PEX11B: variants seen among roughly 807,000 people sequenced by gnomAD.
PEX11B encodes the protein peroxisomal biogenesis factor 11 beta.
PEX11B carries 18 observed loss-of-function variants against 28.2 expected under a neutral mutation model. The ratio of observed to expected loss-of-function variants is 0.64; its 90% CI spans 0.44 to 0.95. The LOEUF is 0.95. PEX11B is among the 40% of genes least tolerant of loss of function. PEX11B has a pLI of 0.00. For synonymous variants in PEX11B, 128 were observed against 128.7 expected (o/e 0.99, Z 0.04); for missense variants, 305 against 319.8 (o/e 0.95, Z 0.35).
intron 3 of PEX11B, 101 bp from the exon 4 acceptor site, chr1:145,912,667 A>T (rs1657861887): frequency 1.3e-6 from 1 of 786,088 alleles, no homozygotes; most frequent in Non-Finnish European, 1.9e-6. Flanking sequence ...AAGAGATTAC[A>T]CATTAGATCA....
At position 145,912,348 on chromosome 1, in the gene PEX11B, G is replaced by A. The variant is rs1280709863; in HGVS notation, c.593C>T (p.Ala198Val). ...TGGGGGATGACCTCTAAGGACTCGA[G>A]CCAGGAGCAGGACTTGCAGCCGAAG... is the stretch of plus-strand genomic sequence containing the variant. ...LKLRLQVLLL[A>V]RVLRGHPPLL... Residue 198 changes from alanine to valine, a missense_variant, in exon 4 of 4, where the codon GCT (alanine) becomes GTT (valine). Ala to Val is a moderately conservative substitution (Grantham distance 64). Coordinates refer to ENST00000369306, the MANE Select transcript of PEX11B (RefSeq NM_003846.3). The A allele has an allele frequency of 2.5e-6, 4 of 1,613,514 alleles. No individual in the cohort carries two copies. The highest frequency in any genetic ancestry group is 3.4e-6 in the Non-Finnish European group (4 of 1,179,790).
At chr1:145,917,409 C>T (rs868958697) in intron 2 of PEX11B, among the ~76,000 whole-genome samples, 2 of 151,976 alleles carry the variant, frequency 1.3e-5, no homozygotes, top group Non-Finnish European at 2.9e-5. Context: ...CTGACCTGGA[C>T]GAGAGACTCT....
chr1:145,913,062 TG>T (rs1553753410), intron 3 of PEX11B, among the ~76,000 whole-genome samples: 1 of 134,780 alleles, frequency 7.4e-6, no homozygotes, highest in Non-Finnish European at 1.5e-5. Flanking sequence ...CACTCCGGCC[TG>T]GGCAACAAAG....
intron 1 of PEX11B, chr1:145,918,089 A>C: frequency 1.0e-6 from 1 of 985,408 alleles, no homozygotes; most frequent in Non-Finnish European, 1.2e-6. Flanking sequence ...TGCAGGCCGC[A>C]GGGGTCCATC....
At position 145,916,663 on chromosome 1, in the gene PEX11B, C is replaced by T. The variant is rs587660510; in HGVS notation, c.374+154G>A. Among the ~76,000 whole-genome samples the T allele has an allele frequency of 5.6e-4, 85 of 152,226 alleles. 1 individual carries two copies. The South Asian group carries it at 0.013, about 23-fold the overall frequency. On this transcript the variant is annotated intron_variant, in intron 3 of 3. Coordinates refer to ENST00000369306, the MANE Select transcript of PEX11B (RefSeq NM_003846.3). The stretch of plus-strand genomic sequence containing the variant: ...TCCATCTCTCCCCATTTGATATTCT[C>T]CGATAGTTTAAGATCTAAGTGATTG...
At chr1:145,917,876 T>C (rs1029049834) in intron 1 of PEX11B, 60 bp from the exon 2 acceptor site, 56 of 1,470,430 alleles carry the variant, frequency 3.8e-5, no homozygotes, top group Non-Finnish European at 4.9e-5. Context: ...CTCAAAACTA[T>C]CTTCCAAAAG....
chr1:145,917,119 T>C, intron 2 of PEX11B, 101 bp from the exon 3 acceptor site: 1 of 787,542 alleles, frequency 1.3e-6, no homozygotes, highest in Non-Finnish European at 2.2e-6. Context: ...TGAGCAATAA[T>C]AATGACAATT....
At position 145,916,839 on chromosome 1, in the gene PEX11B, TCTC is replaced by T. The variant is rs782040121; in HGVS notation, c.349_351del (p.Glu117del). ...AACCTGAATGAACGCTGGGCCCACTTCTCCTGATCCACACGGGGAGCCAGTCCA... is the reference window on the plus strand; with the variant it reads ...AACCTGAATGAACGCTGGGCCCACTTCTGATCCACACGGGGAGCCAGTCCA... On this transcript the variant is annotated inframe_deletion, in exon 3 of 4. Coordinates refer to ENST00000369306, the MANE Select transcript of PEX11B (RefSeq NM_003846.3). 29 of 1,613,276 alleles carry T rather than the reference TCTC, an allele frequency of 1.8e-5. No homozygotes were observed. The highest frequency in any genetic ancestry group is 5.0e-5 in the Admixed American group (3 of 59,946).
Position 145,912,552 on chromosome 1 carries a change from G to A in PEX11B, c.389C>T (p.Ser130Phe). ...ATCACGGCTCAAATTCATGATGAGG[G>A]AAAACAAATAGTACCTGATACACAG... ...AQRSFRYYLF[S>F]LIMNLSRDAY... Residue 130 changes from serine to phenylalanine, a missense_variant, in exon 4 of 4, where the codon TCC (serine) becomes TTC (phenylalanine). Physicochemically the swap from Ser to Phe is radical, Grantham distance 155 (BLOSUM62 -2). Coordinates refer to ENST00000369306, the MANE Select transcript of PEX11B (RefSeq NM_003846.3). The A allele has an allele frequency of 6.7e-7, 1 of 1,494,104 alleles. No individual in the cohort carries two copies. 92.6% of individuals were successfully genotyped at this position (1,494,104 alleles called of 1,614,324 possible).
At position 145,917,782 on chromosome 1, in the gene PEX11B, C is replaced by T; in HGVS notation, c.91G>A (p.Ala31Thr). The change falls in exon 2 of 4, where the codon GCG becomes ACG. Residue 31 changes from alanine to threonine, a missense_variant. Coordinates refer to ENST00000369306, the MANE Select transcript of PEX11B (RefSeq NM_003846.3). ...GGACTGGCTCCATGCCTCTGCAGCGCATGGCCAAGAAGAGAGCAAGCATAC... is the reference window on the plus strand; with the variant it reads ...GGACTGGCTCCATGCCTCTGCAGCGTATGGCCAAGAAGAGAGCAAGCATAC... ...AQYACSLLGH[A>T]LQRHGASPEL... 1 of 1,613,856 alleles carries T rather than the reference C, an allele frequency of 6.2e-7. No individual in the cohort carries two copies. The highest frequency in any genetic ancestry group is 8.5e-7 in the Non-Finnish European group (1 of 1,179,716).
At position 145,917,772 on chromosome 1, in the gene PEX11B, C is replaced by G. The variant is rs1425933614; in HGVS notation, c.101G>C (p.Arg34Thr). The G allele has an allele frequency of 1.2e-6, 2 of 1,613,900 alleles. No individual in the cohort carries two copies. Among genetic ancestry groups the G allele is most frequent in the Non-Finnish European group, 1.7e-6 (2 of 1,179,740 alleles). ...ACSLLGHALQRHGASPELQKQ... is the reference protein window; with the variant it reads ...ACSLLGHALQTHGASPELQKQ... ...CTGTAACTCAGGACTGGCTCCATGC[C>G]TCTGCAGCGCATGGCCAAGAAGAGA... Residue 34 changes from arginine (R) to threonine (T), a missense_variant, in exon 2 of 4, where the codon AGG becomes ACG. Coordinates refer to ENST00000369306, the MANE Select transcript of PEX11B (RefSeq NM_003846.3).
chr1:145,912,308 C>A lies in PEX11B; in HGVS notation c.633G>T (p.Val211=), dbSNP rs782393974. The A allele has an allele frequency of 1.2e-6, 2 of 1,614,058 alleles. No homozygotes were observed. Among genetic ancestry groups the A allele is most frequent in the Admixed American group, 1.7e-5 (1 of 60,002 alleles). Residue 211 remains valine, a synonymous_variant, in exon 4 of 4, where the codon GTG becomes GTT. Transcript: ENST00000369306. ...TGAAGAGATCACAGGCATTTCTGAC[C>A]ACGTCTAGCAGAAGTGGGGGATGAC... ...LRGHPPLLLD[V]VRNACDLFIP...
intron 3 of PEX11B, 41 bp downstream of exon 3, chr1:145,916,776 G>A (rs782794811): frequency 7.2e-7 from 1 of 1,389,600 alleles, no homozygotes; most frequent in South Asian, 1.2e-5. Context: ...GCAATATAGA[G>A]GCTACAAAAA....
intron 1 of PEX11B, chr1:145,918,125 C>T: frequency 4.1e-6 from 4 of 985,394 alleles, no homozygotes; most frequent in Non-Finnish European, 3.6e-6. Flanking sequence ...TGAGCATGTA[C>T]GTGATCGATG....
At position 145,914,506 on chromosome 1, in the gene PEX11B, T is replaced by A. The variant is rs114907698; in HGVS notation, c.375-1940A>T. On this transcript the variant is annotated intron_variant, in intron 3 of 3. Transcript: ENST00000369306. ...AACATCTGGTCCCTACCCCTCTAAC[T>A]TTACCTTGTATCATTCTTTCCTGCA... Among the ~76,000 whole-genome samples the A allele has an allele frequency of 5.3e-3, 802 of 152,328 alleles. 5 individuals carry two copies. The highest frequency in any genetic ancestry group is 0.016 in the African/African-American group (680 of 41,566).
chr1:145,914,227 A>G (rs1324628795), intron 3 of PEX11B, among the ~76,000 whole-genome samples: 1 of 152,160 alleles, frequency 6.6e-6, no homozygotes, highest in Non-Finnish European at 1.5e-5. Flanking sequence ...TACAAAAATT[A>G]GCTGGGTGTG....
intron 3 of PEX11B, among the ~76,000 whole-genome samples, chr1:145,915,679 G>A (rs1381608321): frequency 7.4e-5 from 11 of 149,428 alleles, no homozygotes; most frequent in African/African-American, 2.7e-4. Context: ...TGTCACCTAG[G>A]CTGGAGTGCA....
chr1:145,912,509 T>C lies in PEX11B; in HGVS notation c.432A>G (p.Leu144=), dbSNP rs782400874. Reference sequence around the variant, plus strand: ...AAGCAGAAGACTCTTGCTCCATCAGTAGGCGAATCTCATAAGCATCACGGC... The same window carrying C: ...AAGCAGAAGACTCTTGCTCCATCAGCAGGCGAATCTCATAAGCATCACGGC... The part of the protein sequence containing the change: ...NLSRDAYEIR[L]LMEQESSACS... The change falls in exon 4 of 4, where the codon CTA becomes CTG. Residue 144 remains leucine (L), a synonymous_variant. Transcript: ENST00000369306. 20 of 1,498,030 alleles carry C rather than the reference T, an allele frequency of 1.3e-5. No homozygotes were observed. The highest frequency in any genetic ancestry group is 2.8e-5 in the African/African-American group (2 of 71,322). The allele number at this position is 1,498,030 out of a possible 1,614,324, so 92.8% of individuals were successfully genotyped here.
At position 145,913,426 on chromosome 1, in the gene PEX11B, T is replaced by G. The variant is rs889036690; in HGVS notation, c.375-860A>C. Among the ~76,000 whole-genome samples, 3 of 152,200 alleles carry G rather than the reference T, an allele frequency of 2.0e-5. 1 individual carries two copies. The highest frequency in any genetic ancestry group is 7.2e-5 in the African/African-American group (3 of 41,436). ...ATCGAGCTATAACTCCTTAAATATATGTAATTTCTATTTGTCAATTATGTC... is the reference window on the plus strand; with the variant it reads ...ATCGAGCTATAACTCCTTAAATATAGGTAATTTCTATTTGTCAATTATGTC... On this transcript the variant is annotated intron_variant, in intron 3 of 3. Transcript: ENST00000369306.
Sources: gnomAD v4.1 joint callset for allele counts (sites outside exome capture counted in the v4.1 genomes callset) on GRCh38, gnomAD v4.1.1 for gene constraint, MANE v1.5 for transcripts, NCBI Gene and HGNC (gene_info 2026-07-23, HGNC 2026-07-21) for gene names.